Variants in NEBL observed in about 807,000 individuals in gnomAD.
NEBL encodes LIM and SH3 protein 2.
NEBL carries 122 observed loss-of-function variants against 140.2 expected under a neutral mutation model. That is an observed-to-expected ratio of 0.87 (90% CI 0.75 to 1.01). The LOEUF is 1.01. Ranked by LOEUF, NEBL falls within the 50% of genes least tolerant of loss-of-function variation. NEBL has a pLI of 0.00. For missense variants in NEBL, 1,365 were observed against 1,231.3 expected (o/e 1.11, Z -1.62); for synonymous variants, 436 against 398.9 (o/e 1.09, Z -1.11).
chr10:21,126,904 C>T (rs655999), intron 2 of NEBL, among the ~76,000 whole-genome samples: 53,480 of 143,342 alleles, frequency 0.37, 10,240 homozygotes, highest in African/African-American at 0.52. Flanking sequence ...GAACCCAGGG[C>T]GGGGAAGTTC....
intron 1 of NEBL, among the ~76,000 whole-genome samples, chr10:21,283,454 C>T (rs1843016774): frequency 6.6e-6 from 1 of 152,168 alleles, no homozygotes; most frequent in African/African-American, 2.4e-5. Context: ...CTTGCTTTCA[C>T]TTTACTCTAC....
chr10:20,848,116 A>C (rs1296390515), intron 11 of NEBL, among the ~76,000 whole-genome samples: 3 of 152,208 alleles, frequency 2.0e-5, no homozygotes, highest in African/African-American at 7.2e-5. Context: ...TGGCCACATT[A>C]TCTCTACAAA....
chr10:20,851,007 C>T (rs1462558277), intron 10 of NEBL, among the ~76,000 whole-genome samples: 1 of 152,210 alleles, frequency 6.6e-6, no homozygotes, highest in East Asian at 1.9e-4. Context: ...AACACTCACA[C>T]AGACCTTATA....
At chr10:21,029,943 T>C in intron 2 of NEBL, 2 of 571,662 alleles carry the variant, frequency 3.5e-6, no homozygotes, top group South Asian at 3.6e-5. Flanking sequence ...GCTCCAGAGA[T>C]GATTTCTCTC....
intron 3 of NEBL, among the ~76,000 whole-genome samples, chr10:21,210,914 G>T (rs534893523): frequency 6.6e-6 from 1 of 152,272 alleles, no homozygotes; most frequent in East Asian, 1.9e-4. Flanking sequence ...AGCTATCCTA[G>T]CCAGTAGGAG....
intron 4 of NEBL, among the ~76,000 whole-genome samples, chr10:20,905,212 G>A (rs1477494974): frequency 1.3e-5 from 2 of 152,174 alleles, no homozygotes; most frequent in African/African-American, 4.8e-5. Flanking sequence ...GTAATATAGT[G>A]CTCCTAAAAG....
chr10:21,200,020 T>C (rs1370858299), intron 3 of NEBL, among the ~76,000 whole-genome samples: 3 of 152,098 alleles, frequency 2.0e-5, no homozygotes, highest in African/African-American at 7.2e-5. Context: ...TCTACTTGTC[T>C]CAGTCCAAAC....
At chr10:21,176,068 C>A (rs1841293725), upstream of NEBL, among the ~76,000 whole-genome samples, 2 of 151,976 alleles carry the variant, frequency 1.3e-5, no homozygotes, top group Non-Finnish European at 2.9e-5. Flanking sequence ...TGACTCACTG[C>A]CTCAGTGAGT....
chr10:21,095,447 T>C (rs1487328694), intron 2 of NEBL, among the ~76,000 whole-genome samples: 5 of 152,308 alleles, frequency 3.3e-5, no homozygotes, highest in South Asian at 4.1e-4. Context: ...CACTAAACTT[T>C]TGGGAAATGC....
At chr10:21,264,696 T>TAAA (rs71392177) in intron 1 of NEBL, among the ~76,000 whole-genome samples, 6 of 30,724 alleles carry the variant, frequency 2.0e-4, no homozygotes, top group African/African-American at 3.8e-4. Context: ...AGTTGCTATT[T>TAAA]AAAAAAAAAA....
intron 2 of NEBL, among the ~76,000 whole-genome samples, chr10:21,074,310 G>A (rs1835958742): frequency 6.6e-6 from 1 of 151,866 alleles, no homozygotes; most frequent in Non-Finnish European, 1.5e-5. Context: ...TTAGATCTAG[G>A]CTTCAGGAGG....
At chr10:21,273,383 T>C (rs773858452) in intron 1 of NEBL, among the ~76,000 whole-genome samples, 6 of 152,132 alleles carry the variant, frequency 3.9e-5, no homozygotes, top group Non-Finnish European at 8.8e-5. Flanking sequence ...TAAGAATAAA[T>C]TTCCTAATAG....
At chr10:20,794,981 A>C (rs1474335008) in intron 26 of NEBL, among the ~76,000 whole-genome samples, 1 of 152,238 alleles carries the variant, frequency 6.6e-6, no homozygotes. Flanking sequence ...CAAATATCAG[A>C]AATGAGGGGG....
Position 21,126,974 on chromosome 10 carries a change from C to CAAA in NEBL, c.164+45406_164+45408dup, listed in dbSNP as rs55883304. 4.4e-4 allele frequency among the ~76,000 whole-genome samples: 28 copies of CAAA among 64,148 alleles called. 1 individual carries two copies. The highest frequency in any genetic ancestry group is 1.0e-3 in the African/African-American group (21 of 20,414). 42.1% of individuals were successfully genotyped at this position (64,148 alleles called of 152,430 possible). ...TGGGTGACAGAGGGAGACCCTGTAT[C>CAAA]AAAAAAAAAAAAAAAAAAAAAAACT... On this transcript the variant is annotated intron_variant, in intron 2 of 6. Coordinates refer to the NEBL transcript ENST00000417816.
upstream of NEBL, among the ~76,000 whole-genome samples, chr10:20,901,545 A>G (rs1209391810): frequency 6.6e-6 from 1 of 152,176 alleles, no homozygotes; most frequent in East Asian, 1.9e-4. Flanking sequence ...TTTATAATAA[A>G]CAATTAAAAC....
chr10:20,977,346 A>G (rs140591364), intron 3 of NEBL, among the ~76,000 whole-genome samples: 110 of 152,332 alleles, frequency 7.2e-4, no homozygotes, highest in African/African-American at 2.6e-3. Flanking sequence ...TTCTTAACCA[A>G]TGTTTGACTT....
chr10:21,187,885 A>T (rs1288616988), intron 3 of NEBL, among the ~76,000 whole-genome samples: 1 of 152,166 alleles, frequency 6.6e-6, no homozygotes, highest in African/African-American at 2.4e-5. Context: ...GCCTGCCAGA[A>T]GTATGATGGG....
chr10:21,138,184 G>A (rs1194423728), intron 2 of NEBL, among the ~76,000 whole-genome samples: 1 of 152,054 alleles, frequency 6.6e-6, no homozygotes, highest in Non-Finnish European at 1.5e-5. Flanking sequence ...TATATTATTG[G>A]GACAACGGAC....
chr10:20,798,936 A>T (rs1202852117), intron 26 of NEBL, among the ~76,000 whole-genome samples: 1 of 152,116 alleles, frequency 6.6e-6, no homozygotes, highest in Non-Finnish European at 1.5e-5. Flanking sequence ...CTTTCATTCC[A>T]TTTCTATTGA....
Sources: allele counts gnomAD v4.1 joint callset (sites outside exome capture counted in the v4.1 genomes callset), GRCh38; gene constraint gnomAD v4.1.1; transcripts MANE v1.5; gene names NCBI Gene and HGNC (gene_info 2026-07-23, HGNC 2026-07-21).